Variants in PCDHA13 observed in about 807,000 individuals in gnomAD.
The protein encoded by PCDHA13 is protocadherin alpha 13, also known as protocadherin alpha-13.
PCDHA13 carries 54 observed loss-of-function variants against 64.8 expected under a neutral mutation model. The ratio of observed to expected loss-of-function variants is 0.83; its 90% CI spans 0.67 to 1.04. The LOEUF (loss-of-function observed/expected upper bound fraction) is 1.04. PCDHA13 is among the 50% of genes least tolerant of loss of function. The pLI, the probability that PCDHA13 is intolerant of heterozygous loss-of-function variation, is 0.00. For missense variants in PCDHA13, 1,248 were observed against 1,254.3 expected, an observed-to-expected ratio of 0.99 and a Z score of 0.08; for synonymous variants, 587 against 564.4, an observed-to-expected ratio of 1.04 and a Z score of -0.57.
At chr5:140,925,689 G>C (rs1341368297) in intron 1 of PCDHA13, among the ~76,000 whole-genome samples, 1 of 147,806 alleles carries the variant, frequency 6.8e-6, no homozygotes, top group Non-Finnish European at 1.5e-5. Flanking sequence ...AGCGAGGGTG[G>C]GTATCTAGCC....
intron 1 of PCDHA13, among the ~76,000 whole-genome samples, chr5:140,893,912 G>A (rs1254345100): frequency 6.6e-6 from 1 of 152,124 alleles, no homozygotes; most frequent in Non-Finnish European, 1.5e-5. Flanking sequence ...TGAATTTGTG[G>A]TCTTTTTCAG....
At chr5:140,968,346 C>A in intron 1 of PCDHA13, 2 of 1,614,090 alleles carry the variant, frequency 1.2e-6, no homozygotes, top group Non-Finnish European at 1.7e-6. Context: ...ATTAACAGTG[C>A]CAGTGGCAGC....
In PCDHA13 at chr5:140,882,210, CAGTTTG is replaced by C. The variant is rs1332497676; in HGVS notation, c.-56_-51del. ...GCCATAAAAATTGGGCCTTGAGAGA[CAGTTTG>C]AGGTAAGGCGTTGTATATATTGCAG... is the stretch of plus-strand genomic sequence containing the variant. On this transcript the variant is annotated 5_prime_UTR_variant, in exon 1 of 4. Transcript: ENST00000289272. 6.5e-7 allele frequency: 1 copy of C among 1,533,604 alleles called. No individual in the cohort carries two copies. Among genetic ancestry groups the C allele is most frequent in the African/African-American group, 1.4e-5 (1 of 72,480 alleles). The allele number at this position is 1,533,604 out of a possible 1,614,324, so 95.0% of individuals were successfully genotyped here.
intron 1 of PCDHA13, among the ~76,000 whole-genome samples, chr5:140,897,650 C>T (rs1293190913): frequency 3.3e-5 from 5 of 152,036 alleles, no homozygotes; most frequent in Non-Finnish European, 7.4e-5. Context: ...AATAAACATA[C>T]GTGTGCATGT....
intron 3 of PCDHA13, among the ~76,000 whole-genome samples, chr5:141,007,395 CA>C (rs35800918): frequency 0.59 from 55,851 of 95,076 alleles, 14,598 homozygotes; most frequent in African/African-American, 0.74. Context: ...TACTAAAATA[CA>C]AAAAAAAAAA....
At chr5:140,912,443 G>T (rs1351780500) in intron 1 of PCDHA13, among the ~76,000 whole-genome samples, 3 of 151,748 alleles carry the variant, frequency 2.0e-5, no homozygotes, top group African/African-American at 7.3e-5. Flanking sequence ...TGATTTGTGT[G>T]CATTGATTTT....
intron 1 of PCDHA13, among the ~76,000 whole-genome samples, chr5:140,898,083 A>G (rs2066516404): frequency 6.6e-6 from 1 of 151,810 alleles, no homozygotes; most frequent in South Asian, 2.1e-4. Context: ...TAGATTCTGG[A>G]TATTAGCCCT....
chr5:140,937,511 G>A (rs569896730), intron 1 of PCDHA13, among the ~76,000 whole-genome samples: 2 of 152,166 alleles, frequency 1.3e-5, no homozygotes, highest in Non-Finnish European at 2.9e-5. Context: ...CAGCTACTCA[G>A]GAGGCTGAGG....
chr5:140,896,561 G>C (rs1562891119), intron 1 of PCDHA13, among the ~76,000 whole-genome samples: 2 of 150,758 alleles, frequency 1.3e-5, no homozygotes, highest in Non-Finnish European at 2.9e-5. Flanking sequence ...ATTTTAAGTA[G>C]AGATGGGGTT....
chr5:140,977,247 A>G (rs528974727), intron 1 of PCDHA13, among the ~76,000 whole-genome samples: 1 of 152,336 alleles, frequency 6.6e-6, no homozygotes, highest in African/African-American at 2.4e-5. Context: ...AATTGGCAAC[A>G]TTTCTCAGCA....
intron 1 of PCDHA13, among the ~76,000 whole-genome samples, chr5:140,922,977 G>C (rs935363543): frequency 3.9e-5 from 6 of 152,204 alleles, no homozygotes; most frequent in Non-Finnish European, 5.9e-5. Context: ...GCATATCTCA[G>C]ACAATAGGCA....
intron 1 of PCDHA13, 142 bp from the exon 2 acceptor site, chr5:140,978,807 A>T (rs1489269679): frequency 6.7e-7 from 1 of 1,494,726 alleles, no homozygotes; most frequent in Non-Finnish European, 8.9e-7. Context: ...AGATATCATC[A>T]TAGAGTTACA....
At chr5:140,896,346 G>T (rs1466880160) in intron 1 of PCDHA13, among the ~76,000 whole-genome samples, 18 of 151,992 alleles carry the variant, frequency 1.2e-4, no homozygotes, top group Non-Finnish European at 2.5e-4. Flanking sequence ...TTATATTCCC[G>T]CCAGCAGTGT....
intron 1 of PCDHA13, among the ~76,000 whole-genome samples, chr5:140,913,400 C>T (rs2076319870): frequency 6.6e-6 from 1 of 152,108 alleles, no homozygotes; most frequent in South Asian, 2.1e-4. Context: ...CACTAATGAT[C>T]CTTTGAATTC....
At chr5:140,938,427 T>G (rs992312670) in intron 1 of PCDHA13, among the ~76,000 whole-genome samples, 3 of 152,206 alleles carry the variant, frequency 2.0e-5, no homozygotes, top group African/African-American at 7.2e-5. Flanking sequence ...GCAAAAATCC[T>G]TTATCAGATT....
intron 1 of PCDHA13, chr5:140,930,058 C>T (rs1186770970): frequency 6.6e-6 from 1 of 152,172 alleles, no homozygotes; most frequent in Non-Finnish European, 1.5e-5. Context: ...TTTGCTTACA[C>T]AAAAACTGTA....
chr5:140,969,529 T>C, intron 1 of PCDHA13: 1 of 1,377,800 alleles, frequency 7.3e-7, no homozygotes, highest in Non-Finnish European at 9.7e-7. Flanking sequence ...GTTTTATTTT[T>C]CATTTTCAGA....
At chr5:140,967,876 G>C (rs369514758) in intron 1 of PCDHA13, 1 of 1,614,144 alleles carries the variant, frequency 6.2e-7, no homozygotes, top group Non-Finnish European at 8.5e-7. Flanking sequence ...TCACGGACCT[G>C]TATAGCCCAG....
chr5:140,954,824 C>A (rs1167171102), intron 1 of PCDHA13, among the ~76,000 whole-genome samples: 1 of 152,068 alleles, frequency 6.6e-6, no homozygotes, highest in Admixed American at 6.6e-5. Flanking sequence ...GCTTTAGGCA[C>A]TTTTGTCATG....
Sources: allele counts gnomAD v4.1 joint callset (sites outside exome capture counted in the v4.1 genomes callset), GRCh38; gene constraint gnomAD v4.1.1; transcripts MANE v1.5; gene names NCBI Gene and HGNC (gene_info 2026-07-23, HGNC 2026-07-21).